CNTN5: variants seen among roughly 807,000 people sequenced by gnomAD.
CNTN5 encodes contactin 5, also known as contactin-5.
CNTN5 carries 77 observed loss-of-function variants against 129.1 expected under a neutral mutation model. The observed-to-expected ratio is 0.60, with a 90% confidence interval of 0.50 to 0.72. The LOEUF is 0.72. Among genes scored for constraint, CNTN5 ranks in the 30% least tolerant of loss-of-function variants. The pLI, the probability that CNTN5 is intolerant of heterozygous loss-of-function variation, is 0.00. For synonymous variants in CNTN5, 509 were observed against 465.6 expected, an observed-to-expected ratio of 1.09 and a Z score of -1.20; for missense variants, 1,478 against 1,328.8, an observed-to-expected ratio of 1.11 and a Z score of -1.75.
chr11:100,190,703 C>CTT (rs1221708924), intron 13 of CNTN5, among the ~76,000 whole-genome samples: 2 of 147,236 alleles, frequency 1.4e-5, no homozygotes, highest in Admixed American at 1.4e-4. Flanking sequence ...GTGTTCTGTA[C>CTT]TTATACTCCT....
intron 2 of CNTN5, among the ~76,000 whole-genome samples, chr11:99,518,122 C>CTG (rs1430668578): frequency 6.6e-6 from 1 of 151,966 alleles, no homozygotes; most frequent in South Asian, 2.1e-4. Flanking sequence ...TATTTCATAT[C>CTG]TGTGTGTGTG....
At chr11:99,894,137 C>T (rs1949136445) in intron 6 of CNTN5, among the ~76,000 whole-genome samples, 1 of 152,122 alleles carries the variant, frequency 6.6e-6, no homozygotes, top group African/African-American at 2.4e-5. Flanking sequence ...CCGTTCCCAC[C>T]TAGTAGGTGG....
chr11:99,659,323 G>T (rs1952510304), intron 3 of CNTN5, among the ~76,000 whole-genome samples: 1 of 152,088 alleles, frequency 6.6e-6, no homozygotes, highest in Non-Finnish European at 1.5e-5. Flanking sequence ...GGCTCTAGTT[G>T]TTCCTGAGAG....
rs563633459 is a variant in CNTN5, at chr11:99,934,998, G to A, written c.673+18849G>A. 3.5e-5 allele frequency among the ~76,000 whole-genome samples: 5 copies of A among 144,434 alleles called. No individual in the cohort carries two copies. In the South Asian group the frequency reaches 1.1e-3, roughly 32 times the overall value. The allele number at this position is 144,434 out of a possible 152,430, so 94.8% of individuals were successfully genotyped here. A position where few individuals can be genotyped will look rare whatever the true frequency, so the allele number is the denominator to read the frequency against. ...TCCTAAAACAATACAAATTACAAAT[G>A]TTTATAGTGAAAAAGTACTAATATC... is the stretch of plus-strand genomic sequence containing the variant. On this transcript the variant is annotated intron_variant, in intron 7 of 24. Transcript: ENST00000524871.
At chr11:99,740,765 A>G (rs957029886) in intron 3 of CNTN5, among the ~76,000 whole-genome samples, 1 of 152,162 alleles carries the variant, frequency 6.6e-6, no homozygotes, top group Non-Finnish European at 1.5e-5. Context: ...GTGAATTTGA[A>G]CATTTTTAAC....
chr11:99,344,546 T>A (rs1338757048), intron 2 of CNTN5, among the ~76,000 whole-genome samples: 1 of 152,214 alleles, frequency 6.6e-6, no homozygotes, highest in Non-Finnish European at 1.5e-5. Flanking sequence ...TAAAATTTTT[T>A]AGTTCACCAC....
intron 1 of CNTN5, among the ~76,000 whole-genome samples, chr11:99,185,440 A>T (rs1858294882): frequency 6.6e-6 from 1 of 151,962 alleles, no homozygotes; most frequent in Non-Finnish European, 1.5e-5. Context: ...TTACTAAAAT[A>T]GACTAATTCC....
intron 1 of CNTN5, among the ~76,000 whole-genome samples, chr11:99,164,115 T>G (rs369320735): frequency 6.6e-6 from 1 of 151,898 alleles, no homozygotes; most frequent in East Asian, 1.9e-4. Context: ...ATCACGAGGT[T>G]AGGAGTTCAA....
chr11:99,597,498 AT>A (rs1950162536), intron 3 of CNTN5, among the ~76,000 whole-genome samples: 1 of 116,610 alleles, frequency 8.6e-6, no homozygotes, highest in Non-Finnish European at 1.8e-5. Context: ...TGGAAACTCT[AT>A]TTATGTTTAA....
In CNTN5 at chr11:99,727,312, C is replaced by CAAAAAAAAAAAAA. The variant is rs397936738; in HGVS notation, c.56-92222_56-92210dup. 1.8e-3 allele frequency among the ~76,000 whole-genome samples: 43 copies of CAAAAAAAAAAAAA among 24,292 alleles called. 1 individual carries two copies. The highest frequency in any genetic ancestry group is 5.5e-3 in the African/African-American group (35 of 6,418). The allele number at this position is 24,292 out of a possible 152,430, so 15.9% of individuals were successfully genotyped here. ...TGGGCGACAGAGCGAGACTCCGTCTCAAAAAAAAAAAAAAAAAAAAAATTC... is the reference window on the plus strand; with the variant it reads ...TGGGCGACAGAGCGAGACTCCGTCTCAAAAAAAAAAAAAAAAAAAAAAAAAAAAAAAAAAATTC... On this transcript the variant is annotated intron_variant, in intron 3 of 24. Coordinates refer to ENST00000524871, the MANE Select transcript of CNTN5 (RefSeq NM_014361.4).
chr11:100,166,807 T>C (rs1008966687), intron 13 of CNTN5, among the ~76,000 whole-genome samples: 2 of 151,834 alleles, frequency 1.3e-5, no homozygotes, highest in African/African-American at 2.4e-5. Flanking sequence ...TGGTCAGATA[T>C]CTAAATTAAA....
At chr11:99,032,228 C>T (rs942343917) in intron 1 of CNTN5, among the ~76,000 whole-genome samples, 45 of 152,062 alleles carry the variant, frequency 3.0e-4, no homozygotes, top group African/African-American at 9.6e-4. Flanking sequence ...AATAAGCATA[C>T]GTGTGCATGT....
At chr11:99,458,360 C>T (rs1362987286) in intron 2 of CNTN5, among the ~76,000 whole-genome samples, 1 of 151,802 alleles carries the variant, frequency 6.6e-6, no homozygotes, top group African/African-American at 2.4e-5. Flanking sequence ...GATTTATCAT[C>T]AAAAGTCATT....
chr11:99,837,713 A>G (rs1565588354), intron 4 of CNTN5, among the ~76,000 whole-genome samples: 2 of 151,486 alleles, frequency 1.3e-5, no homozygotes, highest in Non-Finnish European at 2.9e-5. Context: ...AACCTATCAA[A>G]TATCACATGT....
chr11:100,145,941 A>G lies in CNTN5; in HGVS notation c.1581-45185A>G, dbSNP rs190676831. Among the ~76,000 whole-genome samples, 4 of 152,300 alleles carry G rather than the reference A, an allele frequency of 2.6e-5. No individual in the cohort carries two copies. In the East Asian group the frequency reaches 7.7e-4, roughly 29 times the overall value. Reference sequence around the variant, plus strand: ...ACAGTCATGATTTGCTCATTAAATTATTCACCAGTATTAGAATCAGATACC... The same window carrying G: ...ACAGTCATGATTTGCTCATTAAATTGTTCACCAGTATTAGAATCAGATACC... On this transcript the variant is annotated intron_variant, in intron 13 of 24. Coordinates refer to ENST00000524871, the MANE Select transcript of CNTN5 (RefSeq NM_014361.4).
chr11:99,390,970 T>C (rs949182157), intron 2 of CNTN5, among the ~76,000 whole-genome samples: 1 of 152,074 alleles, frequency 6.6e-6, no homozygotes, highest in Non-Finnish European at 1.5e-5. Context: ...CCAGTAATTA[T>C]TGAAATATTC....
chr11:99,630,109 A>G (rs2458166), intron 3 of CNTN5, among the ~76,000 whole-genome samples: 92,784 of 151,572 alleles, frequency 0.61, 29,302 homozygotes, highest in Admixed American at 0.74. Flanking sequence ...GTAGGTATAT[A>G]ATTAAATAAA....
chr11:99,352,656 T>G (rs1193202303), intron 2 of CNTN5, among the ~76,000 whole-genome samples: 1 of 151,906 alleles, frequency 6.6e-6, no homozygotes, highest in Non-Finnish European at 1.5e-5. Flanking sequence ...AGATAGATAT[T>G]CAGTTAGCTC....
chr11:100,166,262 A>C (rs568909924), intron 13 of CNTN5, among the ~76,000 whole-genome samples: 1 of 151,920 alleles, frequency 6.6e-6, no homozygotes, highest in Non-Finnish European at 1.5e-5. Flanking sequence ...TGAACCAATT[A>C]GAGATTTGGG....
Sources: gnomAD v4.1 joint callset for allele counts (sites outside exome capture counted in the v4.1 genomes callset) on GRCh38, gnomAD v4.1.1 for gene constraint, MANE v1.5 for transcripts, NCBI Gene and HGNC (gene_info 2026-07-23, HGNC 2026-07-21) for gene names.